The following PDE4B variants were observed in gnomAD, a reference collection of about 807,000 sequenced individuals.
The protein encoded by PDE4B is 3',5'-cyclic-AMP phosphodiesterase 4B.
PDE4B carries 20 observed loss-of-function variants against 82.2 expected under a neutral mutation model. That is an observed-to-expected ratio of 0.24 (90% CI 0.17 to 0.35). The LOEUF (loss-of-function observed/expected upper bound fraction) is 0.35, where lower values mean the gene tolerates loss of function less well. Among genes scored for constraint, PDE4B ranks in the 10% least tolerant of loss-of-function variants. The pLI, the probability that PDE4B is intolerant of heterozygous loss-of-function variation, is 1.00. For synonymous variants in PDE4B, 320 were observed against 318.9 expected (o/e 1.00, Z -0.04); for missense variants, 655 against 907.2 (o/e 0.72, Z 3.57).
intron 3 of PDE4B, among the ~76,000 whole-genome samples, chr1:66,218,327 T>A (rs1650672240): frequency 6.6e-6 from 1 of 152,162 alleles, no homozygotes; most frequent in South Asian, 2.1e-4. Flanking sequence ...AGGAATTTAC[T>A]GGCCTCCATG....
rs372779128 is a variant in PDE4B at position 66,230,147 on chromosome 1, C to A, written c.282-17313C>A. On this transcript the variant is annotated intron_variant, in intron 3 of 16. Coordinates refer to ENST00000341517, the MANE Select transcript of PDE4B (RefSeq NM_002600.4). ...TGCCCTAATTCCTGGTTTTTGCAGC[C>A]CCTGTCCTAGGCTCTTGCTCACATA... 2.1e-4 allele frequency among the ~76,000 whole-genome samples: 32 copies of A among 152,258 alleles called. No homozygotes were observed. The East Asian group carries it at 6.0e-3, about 28-fold the overall frequency.
intron 3 of PDE4B, among the ~76,000 whole-genome samples, chr1:65,960,987 T>C (rs1450070668): frequency 3.3e-5 from 5 of 152,178 alleles, no homozygotes; most frequent in Non-Finnish European, 7.3e-5. Context: ...AAACATTTAT[T>C]CATTAAAAAA....
chr1:66,130,271 A>G (rs533865246), intron 3 of PDE4B, among the ~76,000 whole-genome samples: 1 of 152,362 alleles, frequency 6.6e-6, no homozygotes, highest in African/African-American at 2.4e-5. Flanking sequence ...GACTCATGAC[A>G]GACAGTAGCG....
intron 3 of PDE4B, among the ~76,000 whole-genome samples, chr1:66,233,350 G>A (rs1014727154): frequency 5.9e-5 from 9 of 151,776 alleles, no homozygotes; most frequent in African/African-American, 2.2e-4. Context: ...CCACTGTATG[G>A]GTATATCACA....
chr1:66,101,594 A>AT (rs1360088291), intron 3 of PDE4B, among the ~76,000 whole-genome samples: 2 of 152,002 alleles, frequency 1.3e-5, no homozygotes, highest in African/African-American at 4.8e-5. Context: ...GATGATGAGC[A>AT]TTTTTTCATG....
chr1:66,161,126 A>G (rs1413163504), intron 3 of PDE4B, among the ~76,000 whole-genome samples: 2 of 152,144 alleles, frequency 1.3e-5, no homozygotes, highest in African/African-American at 4.8e-5. Flanking sequence ...ATTGGTTGCT[A>G]TAAGCACCTT....
At chr1:66,045,577 GA>G (rs1328606192) in intron 3 of PDE4B, among the ~76,000 whole-genome samples, 4 of 151,716 alleles carry the variant, frequency 2.6e-5, no homozygotes, top group African/African-American at 9.7e-5. Flanking sequence ...AAGCATTGAT[GA>G]AGTGTCTATT....
At chr1:65,980,376 C>T (rs1321559652) in intron 3 of PDE4B, among the ~76,000 whole-genome samples, 1 of 152,084 alleles carries the variant, frequency 6.6e-6, no homozygotes, top group Non-Finnish European at 1.5e-5. Flanking sequence ...TTTTGACTGT[C>T]TATCTTTAGT....
intron 3 of PDE4B, among the ~76,000 whole-genome samples, chr1:66,191,980 A>G (rs1035472223): frequency 1.3e-5 from 2 of 152,184 alleles, no homozygotes; most frequent in African/African-American, 2.4e-5. Flanking sequence ...ACACTTGGGA[A>G]TTATGGGAGC....
intron 1 of PDE4B, among the ~76,000 whole-genome samples, chr1:65,839,951 A>G (rs548571836): frequency 6.6e-6 from 1 of 152,258 alleles, no homozygotes; most frequent in East Asian, 1.9e-4. Flanking sequence ...CTGACTTTTT[A>G]ATGATTGCAA....
At chr1:66,240,447 C>T (rs901506497) in intron 3 of PDE4B, among the ~76,000 whole-genome samples, 37 of 152,112 alleles carry the variant, frequency 2.4e-4, no homozygotes, top group African/African-American at 8.0e-4. Context: ...CAAATGACAC[C>T]GCCTGAGAAA....
intron 2 of PDE4B, 34 bp from the exon 3 acceptor site, chr1:65,918,563 C>T (rs1425138255): frequency 1.6e-6 from 2 of 1,246,566 alleles, no homozygotes; most frequent in Non-Finnish European, 1.2e-6. Flanking sequence ...CATTTTCTTT[C>T]TCTTCTTTTT....
At chr1:66,200,732 T>G (rs1648837039) in intron 3 of PDE4B, among the ~76,000 whole-genome samples, 1 of 152,214 alleles carries the variant, frequency 6.6e-6, no homozygotes, top group Non-Finnish European at 1.5e-5. Context: ...CTTATCAGCT[T>G]AAGGAGATTT....
At chr1:65,820,735 A>T (rs1310407823) in intron 1 of PDE4B, among the ~76,000 whole-genome samples, 2 of 152,174 alleles carry the variant, frequency 1.3e-5, no homozygotes. Flanking sequence ...ATTTACATTG[A>T]CATTTTATTT....
At chr1:65,944,267 G>T (rs912127466) in intron 3 of PDE4B, among the ~76,000 whole-genome samples, 2 of 151,266 alleles carry the variant, frequency 1.3e-5, no homozygotes, top group East Asian at 3.9e-4. Context: ...TTTTTTTTTA[G>T]ATTTGCATAT....
intron 3 of PDE4B, among the ~76,000 whole-genome samples, chr1:66,116,070 A>G (rs531820609): frequency 8.7e-4 from 133 of 152,342 alleles, no homozygotes; most frequent in Non-Finnish European, 7.8e-4. Context: ...GAAGACAGAA[A>G]CCTTAGAGGG....
chr1:66,238,517 T>C (rs1387325185), intron 3 of PDE4B, among the ~76,000 whole-genome samples: 2 of 152,142 alleles, frequency 1.3e-5, no homozygotes, highest in African/African-American at 4.8e-5. Context: ...GAGAGATCCA[T>C]GGGGTGGCTA....
intron 1 of PDE4B, among the ~76,000 whole-genome samples, chr1:65,832,176 TA>T (rs568465227): frequency 3.3e-5 from 5 of 152,306 alleles, no homozygotes; most frequent in Non-Finnish European, 7.4e-5. Flanking sequence ...GACAAATTTT[TA>T]TGAAGATTCT....
intron 3 of PDE4B, among the ~76,000 whole-genome samples, chr1:66,220,529 GGAT>G (rs1403104037): frequency 6.6e-6 from 1 of 152,102 alleles, no homozygotes; most frequent in Non-Finnish European, 1.5e-5. Flanking sequence ...AAGCTGAGAT[GGAT>G]GATGACAGTG....
Sources: gnomAD v4.1 joint callset for allele counts (sites outside exome capture counted in the v4.1 genomes callset) on GRCh38, gnomAD v4.1.1 for gene constraint, MANE v1.5 for transcripts, NCBI Gene and HGNC (gene_info 2026-07-23, HGNC 2026-07-21) for gene names.